Variants in VIPR2 observed in about 807,000 individuals in gnomAD.
VIPR2 encodes vasoactive intestinal peptide receptor 2, also known as vasoactive intestinal polypeptide receptor 2.
A neutral mutation model predicts 58.0 loss-of-function variants in VIPR2; 48 were observed. That is an observed-to-expected ratio of 0.83 (90% CI 0.66 to 1.05). The LOEUF (loss-of-function observed/expected upper bound fraction) is 1.05. VIPR2 is among the 50% of genes least tolerant of loss of function. The pLI is 0.00. For missense variants in VIPR2, 534 were observed against 558.0 expected (o/e 0.96, Z 0.43); for synonymous variants, 243 against 235.2 (o/e 1.03, Z -0.30).
chr7:159,137,257 C>T (rs970241785), intron 2 of VIPR2, among the ~76,000 whole-genome samples: 2 of 151,106 alleles, frequency 1.3e-5, no homozygotes, highest in Non-Finnish European at 3.0e-5. Flanking sequence ...ACTCCTTCAC[C>T]TGCCAGAAAC....
At chr7:159,121,277 G>A (rs922207021) in intron 2 of VIPR2, among the ~76,000 whole-genome samples, 9 of 149,432 alleles carry the variant, frequency 6.0e-5, no homozygotes, top group African/African-American at 2.0e-4. Context: ...CCCTCTGCAC[G>A]AGTCGGCTCC....
At chr7:159,047,619 GTATAATAC>G (rs1387778537) in intron 5 of VIPR2, among the ~76,000 whole-genome samples, 1 of 152,172 alleles carries the variant, frequency 6.6e-6, no homozygotes, top group Non-Finnish European at 1.5e-5. Flanking sequence ...TCTTTCCACT[GTATAATAC>G]TATTGAAAGT....
rs200286724 is a variant in VIPR2, at chr7:159,038,329, C to T, written c.598-1427G>A. Among the ~76,000 whole-genome samples the T allele has an allele frequency of 4.6e-5, 7 of 152,292 alleles. No individual in the cohort carries two copies. The East Asian group carries it at 1.4e-3, about 29-fold the overall frequency. The stretch of plus-strand genomic sequence containing the variant: ...GGTGGGTGCTTCATTTTCTGAGACA[C>T]TGCACAGGTGAGAGTTACCCTTATT... On this transcript the variant is annotated intron_variant, in intron 6 of 12. Transcript: ENST00000262178.
intron 2 of VIPR2, among the ~76,000 whole-genome samples, chr7:159,135,111 T>A (rs1174072198): frequency 6.6e-6 from 1 of 151,228 alleles, no homozygotes; most frequent in East Asian, 1.9e-4. Context: ...CTGTCTCTAG[T>A]CTTTGATTAG....
At chr7:159,081,291 C>G (rs1856887160) in intron 4 of VIPR2, among the ~76,000 whole-genome samples, 1 of 152,186 alleles carries the variant, frequency 6.6e-6, no homozygotes. Flanking sequence ...TGGAACATAA[C>G]AGAGCCCTCA....
chr7:159,091,960 C>T (rs913613938), intron 4 of VIPR2, among the ~76,000 whole-genome samples: 6 of 152,194 alleles, frequency 3.9e-5, no homozygotes, highest in Admixed American at 1.3e-4. Flanking sequence ...AGGCTGGTGG[C>T]GCACGTCTGT....
intron 5 of VIPR2, among the ~76,000 whole-genome samples, chr7:159,052,264 A>G (rs1855056830): frequency 6.6e-6 from 1 of 152,210 alleles, no homozygotes; most frequent in Non-Finnish European, 1.5e-5. Context: ...ATCTGTATAG[A>G]TCTTACATAC....
intron 5 of VIPR2, among the ~76,000 whole-genome samples, chr7:159,049,125 C>T (rs1019288067): frequency 2.0e-5 from 3 of 152,342 alleles, no homozygotes; most frequent in East Asian, 3.9e-4. Context: ...CAGCAAGACC[C>T]TCATCAAATG....
At chr7:159,129,740 G>GT in intron 2 of VIPR2, among the ~76,000 whole-genome samples, 8 of 142,958 alleles carry the variant, frequency 5.6e-5, no homozygotes, top group African/African-American at 1.6e-4. Flanking sequence ...CGGGGACAGG[G>GT]CCAGGTGACC....
intron 5 of VIPR2, among the ~76,000 whole-genome samples, chr7:159,055,533 C>T (rs1189919390): frequency 2.0e-5 from 3 of 152,020 alleles, no homozygotes; most frequent in Admixed American, 6.5e-5. Context: ...GTGGCCACTG[C>T]GCCAGGCTCA....
chr7:159,078,291 T>A (rs1856746655), intron 4 of VIPR2, among the ~76,000 whole-genome samples: 3 of 152,222 alleles, frequency 2.0e-5, no homozygotes, highest in African/African-American at 7.2e-5. Flanking sequence ...AACCTTTTTT[T>A]TTGTTTCCAT....
chr7:159,107,329 C>G (rs1397712097), intron 3 of VIPR2, among the ~76,000 whole-genome samples: 1 of 152,184 alleles, frequency 6.6e-6, no homozygotes, highest in Non-Finnish European at 1.5e-5. Context: ...ACACAGCTGT[C>G]GGAGCTGCCT....
At chr7:159,078,302 A>C (rs1856747600) in intron 4 of VIPR2, among the ~76,000 whole-genome samples, 1 of 152,072 alleles carries the variant, frequency 6.6e-6, no homozygotes, top group African/African-American at 2.4e-5. Context: ...TTGTTTCCAT[A>C]GAAATATCTA....
intron 3 of VIPR2, among the ~76,000 whole-genome samples, chr7:159,107,241 C>G (rs928409027): frequency 2.6e-5 from 4 of 152,166 alleles, no homozygotes; most frequent in Non-Finnish European, 5.9e-5. Context: ...CTGGCTAAAA[C>G]AGTGCCATGC....
chr7:159,069,746 G>A (rs1033660303), intron 4 of VIPR2, among the ~76,000 whole-genome samples: 6 of 152,106 alleles, frequency 3.9e-5, no homozygotes, highest in African/African-American at 7.2e-5. Flanking sequence ...CCCCAAATAA[G>A]GGAAACTAAT....
chr7:159,089,712 ACAACAG>A (rs946716590), intron 4 of VIPR2, among the ~76,000 whole-genome samples: 4 of 152,202 alleles, frequency 2.6e-5, no homozygotes, highest in Non-Finnish European at 4.4e-5. Flanking sequence ...AACAACAACA[ACAACAG>A]CAAAAACCTG....
intron 3 of VIPR2, among the ~76,000 whole-genome samples, chr7:159,107,611 C>T (rs1432198991): frequency 6.6e-6 from 1 of 152,128 alleles, no homozygotes; most frequent in Admixed American, 6.5e-5. Flanking sequence ...AGGGTTAGGA[C>T]CTGGGGAAGG....
intron 4 of VIPR2, among the ~76,000 whole-genome samples, chr7:159,074,036 TA>T (rs1278849675): frequency 2.6e-5 from 4 of 152,304 alleles, no homozygotes; most frequent in East Asian, 3.9e-4. Context: ...TTTCACATTT[TA>T]ATCAATAAAA....
chr7:159,144,736 G>C lies in VIPR2; in HGVS notation c.36C>G (p.Cys12Trp). ...GCGCACTCACGGGGGCGAGCAGCCA[G>C]CAGGTCAGCAGCGCGGGAGGCAGCA... The part of the protein sequence containing the change: ...RTLLPPALLT[C>W]WLLAPVNSIH... Residue 12 changes from cysteine to tryptophan, a missense_variant, in exon 1 of 13, where the codon TGC (cysteine) becomes TGG (tryptophan). Physicochemically the swap from Cys to Trp is radical, Grantham distance 215 (BLOSUM62 -2). Transcript: ENST00000262178. 1 of 1,309,566 alleles carries C rather than the reference G, an allele frequency of 7.6e-7. No individual in the cohort carries two copies. Among genetic ancestry groups the C allele is most frequent in the Non-Finnish European group, 9.7e-7 (1 of 1,031,370 alleles). The allele number at this position is 1,309,566 out of a possible 1,614,324, so 81.1% of individuals were successfully genotyped here. A position where few individuals can be genotyped will look rare whatever the true frequency, so the allele number is the denominator to read the frequency against.
Sources: allele counts gnomAD v4.1 joint callset (sites outside exome capture counted in the v4.1 genomes callset), GRCh38; gene constraint gnomAD v4.1.1; transcripts MANE v1.5; gene names NCBI Gene and HGNC (gene_info 2026-07-23, HGNC 2026-07-21).